Variants in PARD3B observed in about 807,000 individuals in gnomAD.
The protein encoded by PARD3B is partitioning defective 3 homolog B.
A neutral mutation model predicts 130.2 loss-of-function variants in PARD3B; 103 were observed. That is an observed-to-expected ratio of 0.79 (90% CI 0.67 to 0.93). The LOEUF (loss-of-function observed/expected upper bound fraction) is 0.93, where lower values mean the gene tolerates loss of function less well. Ranked by LOEUF, PARD3B falls within the 40% of genes least tolerant of loss-of-function variation. The pLI is 0.00. For synonymous variants in PARD3B, 583 were observed against 553.2 expected, an observed-to-expected ratio of 1.05 and a Z score of -0.76; for missense variants, 1,609 against 1,499.2, an observed-to-expected ratio of 1.07 and a Z score of -1.21.
intron 19 of PARD3B, among the ~76,000 whole-genome samples, chr2:205,426,784 A>G (rs1348751133): frequency 6.6e-6 from 1 of 152,200 alleles, no homozygotes; most frequent in Non-Finnish European, 1.5e-5. Context: ...TTTGAGGAGT[A>G]GAAAATATGA....
chr2:205,369,558 A>G (rs1044654458), intron 18 of PARD3B, among the ~76,000 whole-genome samples: 1 of 152,196 alleles, frequency 6.6e-6, no homozygotes, highest in African/African-American at 2.4e-5. Flanking sequence ...CTCCACTTGT[A>G]AATTCTGCTT....
At chr2:204,613,943 T>G (rs923337411) in intron 1 of PARD3B, among the ~76,000 whole-genome samples, 1 of 152,170 alleles carries the variant, frequency 6.6e-6, no homozygotes, top group Non-Finnish European at 1.5e-5. Flanking sequence ...ATTGTTCATA[T>G]TTGAGTGAGT....
At chr2:205,179,994 C>T (rs1559515138) in intron 13 of PARD3B, among the ~76,000 whole-genome samples, 1 of 151,946 alleles carries the variant, frequency 6.6e-6, no homozygotes, top group Non-Finnish European at 1.5e-5. Flanking sequence ...CCTCAGACAA[C>T]CACTGGGAGA....
rs1559035355 is a variant in PARD3B at position 205,381,022 on chromosome 2, TG to T, written c.2631-19990del. ...ATATATATAATATAAAGAATATATA[TG>T]ATATATTATATATAAAGAATATATA... is the stretch of plus-strand genomic sequence containing the variant. On this transcript the variant is annotated intron_variant, in intron 18 of 22. Coordinates refer to ENST00000406610, the MANE Select transcript of PARD3B (RefSeq NM_001302769.2). Among the ~76,000 whole-genome samples, 40 of 37,612 alleles carry T rather than the reference TG, an allele frequency of 1.1e-3. 3 individuals carry two copies. The highest frequency in any genetic ancestry group is 2.0e-3 in the African/African-American group (26 of 12,816). The allele number at this position is 37,612 out of a possible 152,430, so 24.7% of individuals were successfully genotyped here. A position where few individuals can be genotyped will look rare whatever the true frequency, so the allele number is the denominator to read the frequency against.
At chr2:204,949,244 A>G (rs1002859379) in intron 2 of PARD3B, among the ~76,000 whole-genome samples, 3 of 152,056 alleles carry the variant, frequency 2.0e-5, no homozygotes, top group Non-Finnish European at 4.4e-5. Context: ...TTATGTTCTA[A>G]TTGGTATCTT....
chr2:205,432,331 C>A (rs1434471375), intron 19 of PARD3B, among the ~76,000 whole-genome samples: 2 of 152,156 alleles, frequency 1.3e-5, no homozygotes, highest in Non-Finnish European at 2.9e-5. Flanking sequence ...AGCCCTTTAC[C>A]ATGTAAGTCA....
chr2:204,821,255 A>C (rs991875007), intron 2 of PARD3B, among the ~76,000 whole-genome samples: 3 of 152,080 alleles, frequency 2.0e-5, no homozygotes, highest in African/African-American at 7.2e-5. Context: ...TTTGATAGTG[A>C]ATAAGTCCCA....
At chr2:204,736,782 G>T (rs1415365185) in intron 2 of PARD3B, among the ~76,000 whole-genome samples, 2 of 152,042 alleles carry the variant, frequency 1.3e-5, no homozygotes, top group East Asian at 3.9e-4. Context: ...CTTTTCCTTT[G>T]GGTAGATACT....
At chr2:204,862,628 C>T (rs1281978178) in intron 2 of PARD3B, among the ~76,000 whole-genome samples, 1 of 152,138 alleles carries the variant, frequency 6.6e-6, no homozygotes, top group Non-Finnish European at 1.5e-5. Context: ...TCATGATTCT[C>T]TTTCTTTTTT....
Position 205,015,679 on chromosome 2 carries a change from C to A in PARD3B, c.395-31902C>A, listed in dbSNP as rs904526624. ...TCCTCCGTATCCATACTTTCTTACT[C>A]TAGATACTGAGAATCTCTTCTGTCA... On this transcript the variant is annotated intron_variant, in intron 3 of 22. Transcript: ENST00000406610. The surrounding 1 kb of genome is among the most constrained non-coding windows in gnomAD (Gnocchi z 4.5). 6.6e-6 allele frequency among the ~76,000 whole-genome samples: 1 copy of A among 152,178 alleles called. No homozygotes were observed. The highest frequency in any genetic ancestry group is 1.5e-5 in the Non-Finnish European group (1 of 68,036).
intron 20 of PARD3B, among the ~76,000 whole-genome samples, chr2:205,449,680 T>C (rs1232144476): frequency 1.3e-5 from 2 of 152,180 alleles, no homozygotes; most frequent in East Asian, 1.9e-4. Flanking sequence ...GTAACTGATA[T>C]ATGGCAGCTG....
At chr2:204,736,978 G>T (rs990597082) in intron 2 of PARD3B, among the ~76,000 whole-genome samples, 3 of 151,938 alleles carry the variant, frequency 2.0e-5, no homozygotes, top group African/African-American at 7.3e-5. Context: ...ATGGAGTTTT[G>T]CCCTTGTTGC....
intron 10 of PARD3B, among the ~76,000 whole-genome samples, chr2:205,151,161 T>C (rs1000201309): frequency 6.6e-6 from 1 of 152,240 alleles, no homozygotes; most frequent in Non-Finnish European, 1.5e-5. Flanking sequence ...TTACATTTGC[T>C]GAGGAGTGCT....
At chr2:205,573,181 A>T (rs2053619945) in intron 22 of PARD3B, among the ~76,000 whole-genome samples, 1 of 152,182 alleles carries the variant, frequency 6.6e-6, no homozygotes, top group African/African-American at 2.4e-5. Flanking sequence ...TATGGAAACT[A>T]TAGTTCAAGA....
At chr2:204,565,131 C>G (rs755492574) in intron 1 of PARD3B, among the ~76,000 whole-genome samples, 1 of 152,178 alleles carries the variant, frequency 6.6e-6, no homozygotes, top group Non-Finnish European at 1.5e-5. Context: ...TGGCTACTAG[C>G]TAGAGGCCAC....
At chr2:205,500,153 G>C in intron 21 of PARD3B, 122 bp downstream of exon 21, 1 of 1,162,062 alleles carries the variant, frequency 8.6e-7, no homozygotes, top group Non-Finnish European at 1.2e-6. Flanking sequence ...GGGCTTCATA[G>C]ACAGGAACAT....
In PARD3B at chr2:204,729,579, A is replaced by G. The variant is rs530667659; in HGVS notation, c.222+43297A>G. Among the ~76,000 whole-genome samples, 9 of 152,328 alleles carry G rather than the reference A, an allele frequency of 5.9e-5. No individual in the cohort carries two copies. The South Asian group carries it at 1.9e-3, about 32-fold the overall frequency. On this transcript the variant is annotated intron_variant, in intron 2 of 22. Coordinates refer to ENST00000406610, the MANE Select transcript of PARD3B (RefSeq NM_001302769.2). ...TGTCTCAAAGTGTTAATATATCAATAACATATTACAACTTTGTTTCTTAAA... is the reference window on the plus strand; with the variant it reads ...TGTCTCAAAGTGTTAATATATCAATGACATATTACAACTTTGTTTCTTAAA...
In PARD3B at chr2:204,852,256, G is replaced by C. The variant is rs534588848; in HGVS notation, c.223-112896G>C. On this transcript the variant is annotated intron_variant, in intron 2 of 22. Coordinates refer to ENST00000406610, the MANE Select transcript of PARD3B (RefSeq NM_001302769.2). ...CTTTTAAATTCCAGTGGAGTTCAGT[G>C]CTCTTTAATTTTCATTATTGCCCTG... 7.3e-5 allele frequency among the ~76,000 whole-genome samples: 11 copies of C among 151,352 alleles called. No individual in the cohort carries two copies. In the South Asian group the frequency reaches 1.9e-3, roughly 26 times the overall value.
At chr2:205,394,782 A>G (rs967762296) in intron 18 of PARD3B, among the ~76,000 whole-genome samples, 3 of 152,244 alleles carry the variant, frequency 2.0e-5, no homozygotes, top group African/African-American at 4.8e-5. Flanking sequence ...TGAATTTCAC[A>G]TAGAATAGCC....
Sources: gnomAD v4.1 joint callset for allele counts (sites outside exome capture counted in the v4.1 genomes callset) on GRCh38, gnomAD v4.1.1 for gene constraint, Gnocchi (gnomAD v3.1) non-coding constraint, MANE v1.5 for transcripts, NCBI Gene and HGNC (gene_info 2026-07-23, HGNC 2026-07-21) for gene names.